PAX5: variants seen among roughly 807,000 people sequenced by gnomAD.
PAX5 encodes the protein paired box protein Pax-5.
A neutral mutation model predicts 43.7 loss-of-function variants in PAX5; 9 were observed. The ratio of observed to expected loss-of-function variants is 0.21; its 90% confidence interval spans 0.12 to 0.36. PAX5 has a LOEUF of 0.36. Ranked by LOEUF, PAX5 falls within the 10% of genes least tolerant of loss-of-function variation. The probability of loss-of-function intolerance (pLI) is 1.00; values close to 1 mark genes in which losing one functional copy is unlikely to be tolerated. For synonymous variants in PAX5, 228 were observed against 214.3 expected (o/e 1.06, Z -0.56); for missense variants, 383 against 532.7 (o/e 0.72, Z 2.77).
intron 1 of PAX5, chr9:37,026,607 C>A: frequency 7.4e-7 from 1 of 1,350,150 alleles, no homozygotes; most frequent in Middle Eastern, 2.0e-4. Flanking sequence ...CCGGCCCACG[C>A]CGCCGCCTCC....
intron 7 of PAX5, among the ~76,000 whole-genome samples, chr9:36,906,704 C>T (rs1828854921): frequency 6.6e-6 from 1 of 152,218 alleles, no homozygotes; most frequent in Admixed American, 6.5e-5. Flanking sequence ...CAAGCTCTCC[C>T]ACCAGCCCCT....
intron 6 of PAX5, among the ~76,000 whole-genome samples, chr9:36,930,648 G>A (rs1187583052): frequency 2.0e-5 from 3 of 152,224 alleles, no homozygotes; most frequent in African/African-American, 7.2e-5. Flanking sequence ...TTGTGTGGCT[G>A]TAGGTGAGCT....
At chr9:36,949,281 C>T (rs1434701197) in intron 6 of PAX5, among the ~76,000 whole-genome samples, 1 of 152,088 alleles carries the variant, frequency 6.6e-6, no homozygotes, top group Non-Finnish European at 1.5e-5. Flanking sequence ...AGGATGGCCT[C>T]GATCTCCTGA....
intron 6 of PAX5, among the ~76,000 whole-genome samples, chr9:36,942,112 C>T (rs953796485): frequency 5.3e-5 from 8 of 152,364 alleles, no homozygotes; most frequent in Non-Finnish European, 8.8e-5. Context: ...TGCCCACCTG[C>T]GTGTCCAGGA....
intron 5 of PAX5, among the ~76,000 whole-genome samples, chr9:36,984,160 G>C (rs949785596): frequency 1.9e-4 from 29 of 152,148 alleles, no homozygotes; most frequent in Admixed American, 6.6e-5. Flanking sequence ...GGTCAAGAGG[G>C]ATAGGCCAGG....
chr9:36,854,172 C>A (rs1823422240), intron 8 of PAX5, among the ~76,000 whole-genome samples: 1 of 152,218 alleles, frequency 6.6e-6, no homozygotes, highest in African/African-American at 2.4e-5. Flanking sequence ...CAGCTCCTCT[C>A]CATGGCTTTG....
In PAX5 at chr9:36,961,519, G is replaced by T. The variant is rs150237195; in HGVS notation, c.780+5030C>A. 6.6e-4 allele frequency among the ~76,000 whole-genome samples: 100 copies of T among 152,368 alleles called. 2 individuals are homozygous for T. In the East Asian group the frequency reaches 0.016, roughly 25 times the overall value. On this transcript the variant is annotated intron_variant, in intron 6 of 9. Transcript: ENST00000358127. ...TTAGGGTTTCTATTACAGCCAGGAGGCTGCTCCAGCTGATTTATCACCTGA... is the reference window on the plus strand; with the variant it reads ...TTAGGGTTTCTATTACAGCCAGGAGTCTGCTCCAGCTGATTTATCACCTGA...
chr9:36,919,236 C>T (rs558011130), intron 7 of PAX5, among the ~76,000 whole-genome samples: 3 of 152,144 alleles, frequency 2.0e-5, no homozygotes, highest in Non-Finnish European at 4.4e-5. Flanking sequence ...TTTAAGCATA[C>T]CATTGAGACC....
chr9:36,863,209 A>G (rs942299482), intron 8 of PAX5, among the ~76,000 whole-genome samples: 6 of 152,220 alleles, frequency 3.9e-5, no homozygotes, highest in Admixed American at 3.9e-4. Flanking sequence ...GGATAAGTCC[A>G]ATGGATCTTC....
intron 7 of PAX5, among the ~76,000 whole-genome samples, chr9:36,915,367 A>G (rs1357425835): frequency 6.6e-6 from 1 of 152,232 alleles, no homozygotes; most frequent in African/African-American, 2.4e-5. Context: ...ACTATCTCCA[A>G]CACTGAACTT....
intron 6 of PAX5, among the ~76,000 whole-genome samples, chr9:36,963,539 G>A (rs1005093110): frequency 2.0e-5 from 3 of 152,242 alleles, no homozygotes; most frequent in African/African-American, 7.2e-5. Flanking sequence ...ACTGGACAGA[G>A]CTGATGAGCA....
intron 3 of PAX5, among the ~76,000 whole-genome samples, chr9:37,012,768 A>T (rs1839058015): frequency 6.6e-6 from 1 of 152,140 alleles, no homozygotes; most frequent in Admixed American, 6.5e-5. Context: ...GTTGAGGGGG[A>T]GTTCACAAAC....
At chr9:37,024,672 A>T (rs1167459257) in intron 1 of PAX5, among the ~76,000 whole-genome samples, 1 of 152,130 alleles carries the variant, frequency 6.6e-6, no homozygotes, top group Non-Finnish European at 1.5e-5. Context: ...GAGATTGAAA[A>T]TGGGAGGGAG....
chr9:37,029,944 C>T (rs551011347), intron 1 of PAX5, among the ~76,000 whole-genome samples: 1 of 152,294 alleles, frequency 6.6e-6, no homozygotes, highest in East Asian at 1.9e-4. Flanking sequence ...AGCGCCTCTC[C>T]AGAGCCGCTC....
intron 5 of PAX5, among the ~76,000 whole-genome samples, chr9:36,968,149 C>T (rs1445385729): frequency 6.6e-6 from 1 of 152,186 alleles, no homozygotes; most frequent in Non-Finnish European, 1.5e-5. Context: ...CCTTTGCAGT[C>T]AGGAAGCCCT....
At chr9:36,850,103 C>T (rs1174079012) in intron 8 of PAX5, among the ~76,000 whole-genome samples, 1 of 152,200 alleles carries the variant, frequency 6.6e-6, no homozygotes, top group Non-Finnish European at 1.5e-5. Context: ...ATTCCAGGCA[C>T]AAGCAAAGGC....
At position 36,971,631 on chromosome 9, in the gene PAX5, T is replaced by C. The variant is rs541746525; in HGVS notation, c.605-4907A>G. ...GGGCATGGTATCTTTAAATCTTTTTTTTCTACTCCAAGTCAAATAATATGT... is the reference window on the plus strand; with the variant it reads ...GGGCATGGTATCTTTAAATCTTTTTCTTCTACTCCAAGTCAAATAATATGT... On this transcript the variant is annotated intron_variant, in intron 5 of 9. Coordinates refer to ENST00000358127, the MANE Select transcript of PAX5 (RefSeq NM_016734.3). 5.3e-5 allele frequency among the ~76,000 whole-genome samples: 8 copies of C among 152,306 alleles called. No homozygotes were observed. The South Asian group carries it at 1.2e-3, about 24-fold the overall frequency.
Position 36,837,516 on chromosome 9 carries a change from G to A in PAX5, c.*3044C>T, listed in dbSNP as rs569556304. The A allele has an allele frequency of 3.9e-5, 9 of 233,320 alleles. No homozygotes were observed. Among genetic ancestry groups the A allele is most frequent in the Non-Finnish European group, 6.8e-5 (8 of 118,058 alleles). The allele number at this position is 233,320 out of a possible 1,614,324, so 14.5% of individuals were successfully genotyped here. On this transcript the variant is annotated 3_prime_UTR_variant, in exon 10 of 10. Transcript: ENST00000358127. ...TCTGCCACGATGCTGGTGAGGCCCC[G>A]GACTTGTGTTTTCCATTCAGAATTC...
chr9:36,936,496 G>C (rs1831564148), intron 6 of PAX5, among the ~76,000 whole-genome samples: 1 of 152,202 alleles, frequency 6.6e-6, no homozygotes. Context: ...AATGGGCAGG[G>C]AGGCCATTAC....
Sources: allele counts gnomAD v4.1 joint callset (sites outside exome capture counted in the v4.1 genomes callset), GRCh38; gene constraint gnomAD v4.1.1; transcripts MANE v1.5; gene names NCBI Gene and HGNC (gene_info 2026-07-23, HGNC 2026-07-21).